The following MAP3K2 variants were observed in gnomAD, a reference collection of about 807,000 sequenced individuals.
The protein encoded by MAP3K2 is mitogen-activated protein kinase kinase kinase 2, also known as MAP/ERK kinase kinase 2.
Under a neutral mutation model 80.3 loss-of-function variants are expected in MAP3K2, and 24 were observed. The ratio of observed to expected loss-of-function variants is 0.30; its 90% CI spans 0.22 to 0.42. MAP3K2 has a LOEUF of 0.42. Among genes scored for constraint, MAP3K2 ranks in the 10% least tolerant of loss-of-function variants. The pLI, the probability that MAP3K2 is intolerant of heterozygous loss-of-function variation, is 1.00. For synonymous variants in MAP3K2, 244 were observed against 253.7 expected, an observed-to-expected ratio of 0.96 and a Z score of 0.36; for missense variants, 608 against 750.1, an observed-to-expected ratio of 0.81 and a Z score of 2.21.
rs953410040 is a variant in MAP3K2, at chr2:127,339,858, C to T, written c.5-808G>A. The stretch of plus-strand genomic sequence containing the variant: ...AAATCAATTCTACTAATGATAATCA[C>T]AAATGATAAATAAAGGAATCAAGAG... On this transcript the variant is annotated intron_variant, in intron 2 of 16. Coordinates refer to ENST00000682094, the MANE Select transcript of MAP3K2 (RefSeq NM_001371910.2). The surrounding 1 kb of genome is among the most constrained non-coding windows in gnomAD (Gnocchi z 4.2). 6.6e-6 allele frequency among the ~76,000 whole-genome samples: 1 copy of T among 152,106 alleles called. No homozygotes were observed. The highest frequency in any genetic ancestry group is 1.5e-5 in the Non-Finnish European group (1 of 68,022).
At chr2:127,327,022 C>A (rs1686155294) in intron 7 of MAP3K2, among the ~76,000 whole-genome samples, 1 of 152,082 alleles carries the variant, frequency 6.6e-6, no homozygotes, top group Non-Finnish European at 1.5e-5. Flanking sequence ...TAATTATTAA[C>A]CTCACCATAA....
At chr2:127,308,553 G>A (rs1685752583) in intron 16 of MAP3K2, 32 bp downstream of exon 16, 2 of 1,523,116 alleles carry the variant, frequency 1.3e-6, no homozygotes, top group South Asian at 2.6e-5. Flanking sequence ...GGCGGCAGGT[G>A]GTTTTCAAGC....
chr2:127,364,045 AT>A lies in MAP3K2; in HGVS notation c.-65-20852del, dbSNP rs1226246725. On this transcript the variant is annotated intron_variant, in intron 1 of 16. Coordinates refer to ENST00000682094, the MANE Select transcript of MAP3K2 (RefSeq NM_001371910.2). The surrounding 1 kb of genome is among the most constrained non-coding windows in gnomAD (Gnocchi z 4.1). ...GCCTATTACCAAACATCTTAAATAAATTGCAAATTTGACTCTCCTTACAACC... is the reference window on the plus strand; with the variant it reads ...GCCTATTACCAAACATCTTAAATAAATGCAAATTTGACTCTCCTTACAACC... Among the ~76,000 whole-genome samples the A allele has an allele frequency of 6.6e-6, 1 of 152,208 alleles. No individual in the cohort carries two copies. The highest frequency in any genetic ancestry group is 1.5e-5 in the Non-Finnish European group (1 of 68,030).
intron 12 of MAP3K2, among the ~76,000 whole-genome samples, chr2:127,320,251 G>A (rs1685990528): frequency 1.3e-5 from 2 of 152,162 alleles, no homozygotes. Context: ...GGAAAAGGTA[G>A]ACAACATGCA....
intron 15 of MAP3K2, among the ~76,000 whole-genome samples, chr2:127,311,236 G>A (rs1327196670): frequency 6.6e-6 from 1 of 152,156 alleles, no homozygotes; most frequent in African/African-American, 2.4e-5. Flanking sequence ...AAAGAGCACT[G>A]TCTAACATTT....
chr2:127,362,538 A>G (rs972822879), intron 1 of MAP3K2, among the ~76,000 whole-genome samples: 2 of 152,230 alleles, frequency 1.3e-5, no homozygotes, highest in Non-Finnish European at 2.9e-5. Context: ...ATTATTTTAA[A>G]GAGGAAAGAA....
intron 1 of MAP3K2, among the ~76,000 whole-genome samples, chr2:127,383,149 G>A (rs1184097746): frequency 1.3e-5 from 2 of 152,144 alleles, no homozygotes; most frequent in South Asian, 2.1e-4. Context: ...TCAAGGGGAC[G>A]CTGCTAAGCC....
Position 127,338,996 on chromosome 2 carries a change from G to T in MAP3K2, c.59C>A (p.Ala20Asp). 1.2e-6 allele frequency: 2 copies of T among 1,612,820 alleles called. No individual in the cohort carries two copies. The highest frequency in any genetic ancestry group is 2.2e-5 in the South Asian group (2 of 90,672). Residue 20 changes from alanine (A) to aspartate (D), a missense_variant, in exon 3 of 17, where the codon GCC (alanine) becomes GAC (aspartate). Ala to Asp is a moderately radical substitution (Grantham distance 126, BLOSUM62 -2). This residue lies in a region of MAP3K2 where 467 missense variants were observed against 521.9 expected (regional missense o/e 0.89). Transcript: ENST00000682094. The stretch of plus-strand genomic sequence containing the variant: ...CTGCAAGGATAATGCTGGTCGACTG[G>T]CCTTATGAAGGACAGCCAAATCTTG... ...IMQDLAVLHK[A>D]SRPALSLQET...
At position 127,355,955 on chromosome 2, in the gene MAP3K2, T is replaced by C. The variant is rs186351380; in HGVS notation, c.-65-12761A>G. Among the ~76,000 whole-genome samples, 359 of 152,276 alleles carry C rather than the reference T, an allele frequency of 2.4e-3. 7 individuals are homozygous for C. The highest frequency in any genetic ancestry group is 7.7e-3 in the African/African-American group (319 of 41,514). On this transcript the variant is annotated intron_variant, in intron 1 of 16. Coordinates refer to ENST00000682094, the MANE Select transcript of MAP3K2 (RefSeq NM_001371910.2). The stretch of plus-strand genomic sequence containing the variant: ...TCGCAGCATCTTCACCAGGAGTAGA[T>C]TCCATCTCAAGAAGCCACTTTGTTT...
chr2:127,368,149 C>A (rs1345791032), intron 1 of MAP3K2, among the ~76,000 whole-genome samples: 1 of 151,644 alleles, frequency 6.6e-6, no homozygotes, highest in Admixed American at 6.6e-5. Context: ...TGGTGAAGCC[C>A]TGTCTCTACT....
intron 5 of MAP3K2, among the ~76,000 whole-genome samples, chr2:127,333,606 C>T (rs1407747284): frequency 2.6e-5 from 4 of 152,118 alleles, no homozygotes; most frequent in Non-Finnish European, 5.9e-5. Flanking sequence ...AAACAGGATA[C>T]GGTTCACTCA....
At chr2:127,384,261 C>T (rs1022499566) in intron 1 of MAP3K2, among the ~76,000 whole-genome samples, 1 of 150,630 alleles carries the variant, frequency 6.6e-6, no homozygotes, top group African/African-American at 2.5e-5. Flanking sequence ...TCATTGCACA[C>T]TTAACAGACT....
chr2:127,341,438 C>CT (rs1686484834), intron 2 of MAP3K2, among the ~76,000 whole-genome samples: 2 of 150,884 alleles, frequency 1.3e-5, no homozygotes, highest in African/African-American at 4.9e-5. Flanking sequence ...GAGTTCCTTA[C>CT]TTGGCGGGCT....
At chr2:127,360,165 T>C (rs1686859417) in intron 1 of MAP3K2, among the ~76,000 whole-genome samples, 1 of 152,178 alleles carries the variant, frequency 6.6e-6, no homozygotes, top group Admixed American at 6.5e-5. Flanking sequence ...AGCCATACAG[T>C]AGAATAAATA....
intron 7 of MAP3K2, among the ~76,000 whole-genome samples, chr2:127,328,764 A>G (rs1014363730): frequency 9.2e-5 from 14 of 152,120 alleles, no homozygotes; most frequent in African/African-American, 2.9e-4. Context: ...AATAATGTCT[A>G]TTTTTTTGAT....
chr2:127,371,593 A>G (rs935230535), intron 1 of MAP3K2, among the ~76,000 whole-genome samples: 13 of 152,206 alleles, frequency 8.5e-5, no homozygotes, highest in Admixed American at 4.6e-4. Flanking sequence ...CAATGCATGC[A>G]ATCAGAGGAA....
rs527879984 is a variant in MAP3K2, at chr2:127,302,229, A to G, written c.*5350T>C. On this transcript the variant is annotated 3_prime_UTR_variant, in exon 17 of 17. Coordinates refer to ENST00000682094, the MANE Select transcript of MAP3K2 (RefSeq NM_001371910.2). Reference sequence around the variant, plus strand: ...TTTTAATCTACCTTTAGCAACCAAGAGTATGGCAATTTACAATCAATATTA... The same window carrying G: ...TTTTAATCTACCTTTAGCAACCAAGGGTATGGCAATTTACAATCAATATTA... 1 of 152,288 alleles carries G rather than the reference A, an allele frequency of 6.6e-6. No individual in the cohort carries two copies. Among genetic ancestry groups the G allele is most frequent in the East Asian group, 1.9e-4 (1 of 5,188 alleles). 9.4% of individuals were successfully genotyped at this position (152,288 alleles called of 1,614,324 possible).
At chr2:127,347,545 G>A (rs565862124) in intron 1 of MAP3K2, among the ~76,000 whole-genome samples, 1 of 151,984 alleles carries the variant, frequency 6.6e-6, no homozygotes, top group East Asian at 1.9e-4. Context: ...AAAAAATGCA[G>A]CTTGCACTCT....
chr2:127,326,574 G>T, intron 8 of MAP3K2, 113 bp downstream of exon 8: 1 of 676,098 alleles, frequency 1.5e-6, no homozygotes, highest in Non-Finnish European at 2.2e-6. Context: ...CAGTTAAGAA[G>T]ATATGTAATT....
Sources: allele counts gnomAD v4.1 joint callset (sites outside exome capture counted in the v4.1 genomes callset), GRCh38; gene constraint gnomAD v4.1.1; regional missense constraint gnomAD v4.1.1; non-coding constraint Gnocchi (gnomAD v3.1); transcripts MANE v1.5; gene names NCBI Gene and HGNC (gene_info 2026-07-23, HGNC 2026-07-21).